Variants in LRRC69 observed in about 807,000 individuals in gnomAD.
LRRC69 encodes leucine-rich repeat-containing protein 69.
In LRRC69, 42 loss-of-function variants were observed where a neutral mutation model predicts 37.8. The observed-to-expected ratio is 1.11, with a 90% CI of 0.87 to 1.44. The LOEUF (loss-of-function observed/expected upper bound fraction) is 1.44, where lower values mean the gene tolerates loss of function less well. Ranked by LOEUF, LRRC69 falls within the 40% of genes most tolerant of loss-of-function variation. LRRC69 has a pLI of 0.00. For missense variants in LRRC69, 357 were observed against 401.9 expected (o/e 0.89, Z 0.96); for synonymous variants, 141 against 143.1 (o/e 0.99, Z 0.11).
intron 1 of LRRC69, among the ~76,000 whole-genome samples, chr8:91,108,472 A>T (rs1813357290): frequency 6.6e-6 from 1 of 151,994 alleles, no homozygotes; most frequent in Non-Finnish European, 1.5e-5. Context: ...TACACTCGTG[A>T]TGTAGGAGAA....
At chr8:91,174,942 T>C (rs1024645743) in intron 5 of LRRC69, among the ~76,000 whole-genome samples, 1 of 151,940 alleles carries the variant, frequency 6.6e-6, no homozygotes, top group African/African-American at 2.4e-5. Context: ...TTGGGAGTCT[T>C]AGATTGAGAG....
Position 91,150,883 on chromosome 8 carries a change from A to G in LRRC69, c.651+15144A>G, listed in dbSNP as rs921332565. ...CTAGTTTGTTTGCATAGAGGTGTTT[A>G]TAGTATTCTCTGATGGTAGTTTGTA... On this transcript the variant is annotated intron_variant, in intron 5 of 7. Coordinates refer to ENST00000448384, the Ensembl canonical transcript of LRRC69. Among the ~76,000 whole-genome samples, 30 of 151,872 alleles carry G rather than the reference A, an allele frequency of 2.0e-4. 1 individual carries two copies. The highest frequency in any genetic ancestry group is 1.8e-3 in the Admixed American group (27 of 15,198).
At chr8:91,198,975 C>G (rs927923613) in intron 6 of LRRC69, among the ~76,000 whole-genome samples, 1 of 152,126 alleles carries the variant, frequency 6.6e-6, no homozygotes, top group East Asian at 1.9e-4. Flanking sequence ...GATGTAAGAG[C>G]TGTCAGATAT....
intron 1 of LRRC69, among the ~76,000 whole-genome samples, chr8:91,116,507 T>C (rs1813513166): frequency 6.7e-6 from 1 of 148,818 alleles, no homozygotes; most frequent in African/African-American, 2.4e-5. Flanking sequence ...TTTGTGAGCA[T>C]GTGTATGTGT....
chr8:91,206,884 A>G (rs2130637967), intron 7 of LRRC69: 1 of 1,265,140 alleles, frequency 7.9e-7, no homozygotes, highest in East Asian at 5.6e-5. Context: ...CAAGTAGAGG[A>G]TATGGGCAGG....
chr8:91,126,490 G>C (rs1056435861), intron 2 of LRRC69, among the ~76,000 whole-genome samples: 3 of 152,122 alleles, frequency 2.0e-5, no homozygotes, highest in Admixed American at 2.0e-4. Flanking sequence ...AAAAAAGAAA[G>C]ATTTAGCAAC....
chr8:91,152,621 G>A (rs1016560881), intron 5 of LRRC69, among the ~76,000 whole-genome samples: 1 of 151,302 alleles, frequency 6.6e-6, no homozygotes, highest in African/African-American at 2.4e-5. Flanking sequence ...GTTCTTTTTT[G>A]TTTCCATACA....
exon 4 of LRRC69, chr8:91,133,203 A>G (rs765786148): frequency 3.2e-5 from 49 of 1,543,922 alleles, no homozygotes; most frequent in South Asian, 2.7e-4. Flanking sequence ...TTGAACTTCA[A>G]CTTAACTACA....
rs906176178 is a variant in LRRC69, at chr8:91,218,898, G to T, written c.942G>T (p.Lys314Asn). The change falls in exon 8 of 8, where the codon AAG becomes AAT. Residue 314 changes from lysine (K) to asparagine (N), a missense_variant. By Grantham distance (94) the Lys-to-Asn change is moderately conservative. Transcript: ENST00000448384. ...TAATCTTTACTTTTTAGGACTGGAA[G>T]ATAAGCAAGAATCTGAAGCTGGTGC... 2.0e-5 allele frequency: 31 copies of T among 1,545,462 alleles called. No individual in the cohort carries two copies. In the Admixed American group the frequency reaches 5.7e-4, roughly 29 times the overall value.
intron 7 of LRRC69, among the ~76,000 whole-genome samples, chr8:91,210,072 A>G (rs529311126): frequency 4.2e-4 from 64 of 152,330 alleles, no homozygotes; most frequent in African/African-American, 1.5e-3. Context: ...AGTCATAGAC[A>G]GAACCAACAA....
intron 5 of LRRC69, among the ~76,000 whole-genome samples, chr8:91,153,426 C>A (rs528324556): frequency 1.9e-4 from 28 of 150,286 alleles, no homozygotes; most frequent in Non-Finnish European, 4.0e-4. Context: ...CTCAGTGCCA[C>A]GTGGTACTTA....
chr8:91,137,140 A>C (rs746929184), intron 5 of LRRC69, among the ~76,000 whole-genome samples: 1 of 152,094 alleles, frequency 6.6e-6, no homozygotes, highest in Non-Finnish European at 1.5e-5. Flanking sequence ...GTGTTTCCAA[A>C]AATGTGTAGA....
intron 1 of LRRC69, among the ~76,000 whole-genome samples, chr8:91,109,047 T>A (rs2130476769): frequency 6.6e-6 from 1 of 152,142 alleles, no homozygotes; most frequent in Non-Finnish European, 1.5e-5. Flanking sequence ...TCTTTCTCCA[T>A]CAATTAGGTA....
At chr8:91,176,131 TA>T (rs61019844) in intron 5 of LRRC69, among the ~76,000 whole-genome samples, 31,671 of 73,394 alleles carry the variant, frequency 0.43, 4,649 homozygotes, top group Admixed American at 0.59. Context: ...TATATATATA[TA>T]TATTTTTTTT....
At chr8:91,161,733 A>C (rs1003448181) in intron 5 of LRRC69, among the ~76,000 whole-genome samples, 1 of 150,670 alleles carries the variant, frequency 6.6e-6, no homozygotes, top group Non-Finnish European at 1.5e-5. Context: ...CAACTTTTTA[A>C]ATTTGCTTTT....
chr8:91,203,571 G>A (rs1809746556), intron 7 of LRRC69, among the ~76,000 whole-genome samples: 1 of 151,090 alleles, frequency 6.6e-6, no homozygotes, highest in Non-Finnish European at 1.5e-5. Flanking sequence ...TTTTGTGTGT[G>A]TATTTTTAGT....
chr8:91,157,292 C>A (rs1050257117), intron 5 of LRRC69: 8 of 1,606,092 alleles, frequency 5.0e-6, no homozygotes, highest in African/African-American at 1.3e-5. Context: ...GGTGTGCCTC[C>A]TTCAGCTTCC....
At position 91,118,715 on chromosome 8, in the gene LRRC69, G is replaced by C. The variant is rs540661478; in HGVS notation, c.184-5778G>C. Among the ~76,000 whole-genome samples, 3 of 152,100 alleles carry C rather than the reference G, an allele frequency of 2.0e-5. No individual in the cohort carries two copies. The East Asian group carries it at 5.8e-4, about 29-fold the overall frequency. ...TCATTCTACATTTAATTACTGAAGA[G>C]ATGCAAGCTTTAAAGCTTATCAAAT... On this transcript the variant is annotated intron_variant, in intron 1 of 7. Coordinates refer to ENST00000448384, the Ensembl canonical transcript of LRRC69.
At chr8:91,154,127 A>G (rs1266638492) in intron 5 of LRRC69, among the ~76,000 whole-genome samples, 1 of 151,866 alleles carries the variant, frequency 6.6e-6, no homozygotes, top group African/African-American at 2.4e-5. Context: ...GAAATGGATC[A>G]ATTCCTGGAC....
Sources: gnomAD v4.1 joint callset for allele counts (sites outside exome capture counted in the v4.1 genomes callset) on GRCh38, gnomAD v4.1.1 for gene constraint, MANE v1.5 for transcripts, NCBI Gene and HGNC (gene_info 2026-07-23, HGNC 2026-07-21) for gene names.